Variants in PAK5 observed in about 807,000 individuals in gnomAD.
The protein encoded by PAK5 is p21 (RAC1) activated kinase 5, also known as serine/threonine-protein kinase PAK 5.
A neutral mutation model predicts 65.9 loss-of-function variants in PAK5; 16 were observed. That is an observed-to-expected ratio of 0.24 (90% CI 0.16 to 0.37). PAK5 has a LOEUF of 0.37. Ranked by LOEUF, PAK5 falls within the 10% of genes least tolerant of loss-of-function variation. The pLI is 1.00. For missense variants in PAK5, 785 were observed against 903.9 expected, an observed-to-expected ratio of 0.87 and a Z score of 1.69; for synonymous variants, 371 against 354.9, an observed-to-expected ratio of 1.05 and a Z score of -0.51.
chr20:9,549,649 A>T (rs2045397074), intron 7 of PAK5, among the ~76,000 whole-genome samples: 1 of 152,222 alleles, frequency 6.6e-6, no homozygotes, highest in Non-Finnish European at 1.5e-5. Context: ...TTCTGCCAAG[A>T]GGAAAAATTG....
chr20:9,828,007 T>G (rs1207010408), intron 1 of PAK5, among the ~76,000 whole-genome samples: 1 of 152,162 alleles, frequency 6.6e-6, no homozygotes, highest in African/African-American at 2.4e-5. Flanking sequence ...AATGTTTTTT[T>G]GTATTTTTAG....
chr20:9,678,169 G>A (rs2047600554), intron 2 of PAK5, among the ~76,000 whole-genome samples: 1 of 152,090 alleles, frequency 6.6e-6, no homozygotes, highest in Non-Finnish European at 1.5e-5. Context: ...TGATCTCATA[G>A]CTCCTTGGGA....
intron 2 of PAK5, among the ~76,000 whole-genome samples, chr20:9,705,398 A>G (rs1457538759): frequency 1.3e-5 from 2 of 152,196 alleles, no homozygotes; most frequent in South Asian, 2.1e-4. Flanking sequence ...GATTGGCAAA[A>G]ATTAAGATAT....
intron 1 of PAK5, among the ~76,000 whole-genome samples, chr20:9,831,562 C>T (rs1209406260): frequency 2.0e-5 from 3 of 152,172 alleles, no homozygotes; most frequent in African/African-American, 7.2e-5. Context: ...GGCTGGAGTG[C>T]AGTGGTGCGA....
At chr20:9,742,637 C>G (rs374286886) in intron 1 of PAK5, among the ~76,000 whole-genome samples, 1 of 152,116 alleles carries the variant, frequency 6.6e-6, no homozygotes, top group East Asian at 1.9e-4. Context: ...ATTCCTGTTG[C>G]AGAAAACTCT....
At chr20:9,636,040 AC>A (rs1377636315) in intron 3 of PAK5, among the ~76,000 whole-genome samples, 7 of 152,210 alleles carry the variant, frequency 4.6e-5, no homozygotes, top group Non-Finnish European at 1.5e-5. Flanking sequence ...ATTCTGACCA[AC>A]AAGGAAGACC....
At chr20:9,612,195 T>G (rs2046575079) in intron 3 of PAK5, among the ~76,000 whole-genome samples, 1 of 152,182 alleles carries the variant, frequency 6.6e-6, no homozygotes, top group African/African-American at 2.4e-5. Flanking sequence ...CGCCCTGCCC[T>G]CAGCTCCTAC....
At chr20:9,715,158 C>T (rs1354551974) in intron 1 of PAK5, among the ~76,000 whole-genome samples, 10 of 152,156 alleles carry the variant, frequency 6.6e-5, no homozygotes, top group Non-Finnish European at 1.2e-4. Context: ...TGACAAAGGG[C>T]TAATATCCAC....
Position 9,580,887 on chromosome 20 carries a change from T to C in PAK5, c.248A>G (p.Asn83Ser), listed in dbSNP as rs1007888461. Reference sequence around the variant, plus strand: ...GTTGTCAAAATCCTCTAGCAGGCCGTTGATGGAGGTTTCCTTGCAGGGTTT... The same window carrying C: ...GTTGTCAAAATCCTCTAGCAGGCCGCTGATGGAGGTTTCCTTGCAGGGTTT... ...GNKPCKETSINGLLEDFDNIS... is the reference protein window; with the variant it reads ...GNKPCKETSISGLLEDFDNIS... Residue 83 changes from asparagine to serine, a missense_variant, in exon 4 of 10, where the codon AAC (asparagine) becomes AGC (serine). Asn to Ser is a conservative substitution (Grantham distance 46, BLOSUM62 1). This residue lies in a region of PAK5 where 71 missense variants were observed against 110.2 expected (regional missense o/e 0.64). Coordinates refer to ENST00000353224, the MANE Select transcript of PAK5 (RefSeq NM_177990.4). The C allele has an allele frequency of 6.2e-7, 1 of 1,607,620 alleles. No homozygotes were observed. The highest frequency in any genetic ancestry group is 8.5e-7 in the Non-Finnish European group (1 of 1,176,802).
intron 1 of PAK5, among the ~76,000 whole-genome samples, chr20:9,765,080 T>G (rs745448082): frequency 2.6e-5 from 4 of 152,182 alleles, no homozygotes; most frequent in Non-Finnish European, 4.4e-5. Flanking sequence ...GCGGTGACCA[T>G]GGAGACTGAG....
At position 9,591,896 on chromosome 20, in the gene PAK5, G is replaced by A. The variant is rs112424628; in HGVS notation, c.205-10966C>T. On this transcript the variant is annotated intron_variant, in intron 3 of 9. Transcript: ENST00000353224. The stretch of plus-strand genomic sequence containing the variant: ...CAAATGTGGAAATTATCTCTTGGAG[G>A]CATAATAAATGTTAAGAAACTTGTT... 5.3e-3 allele frequency among the ~76,000 whole-genome samples: 813 copies of A among 152,184 alleles called. 8 individuals carry two copies. The highest frequency in any genetic ancestry group is 0.033 in the East Asian group (171 of 5,176).
At chr20:9,799,232 A>T (rs1264773597) in intron 1 of PAK5, among the ~76,000 whole-genome samples, 3 of 152,208 alleles carry the variant, frequency 2.0e-5, no homozygotes, top group Non-Finnish European at 4.4e-5. Flanking sequence ...TTACAAAGTC[A>T]TCCATAGGGC....
chr20:9,620,904 A>G (rs1167957850), intron 3 of PAK5, among the ~76,000 whole-genome samples: 8 of 151,778 alleles, frequency 5.3e-5, no homozygotes, highest in Admixed American at 3.9e-4. Context: ...AAAAATATAT[A>G]TATATTAATA....
intron 1 of PAK5, among the ~76,000 whole-genome samples, chr20:9,832,989 T>G (rs1376058140): frequency 6.6e-6 from 1 of 152,254 alleles, no homozygotes; most frequent in South Asian, 2.1e-4. Flanking sequence ...TATGAGAGTT[T>G]AAAATATATT....
Position 9,766,365 on chromosome 20 carries a change from A to ATTC in PAK5, c.-161-54931_-161-54930insGAA, listed in dbSNP as rs1232783466. Among the ~76,000 whole-genome samples the ATTC allele has an allele frequency of 8.1e-5, 9 of 110,636 alleles. 1 individual carries two copies. The highest frequency in any genetic ancestry group is 2.8e-4 in the African/African-American group (8 of 28,410). 72.6% of individuals were successfully genotyped at this position (110,636 alleles called of 152,430 possible). ...ATATTCTACTTACTTGAATATATAT[A>ATTC]TATATTCAAGCAGAATATATATGTA... On this transcript the variant is annotated intron_variant, in intron 1 of 9. Transcript: ENST00000353224.
intron 1 of PAK5, among the ~76,000 whole-genome samples, chr20:9,729,530 G>A (rs564078036): frequency 7.4e-4 from 112 of 151,972 alleles, no homozygotes; most frequent in South Asian, 5.8e-3. Flanking sequence ...GTACCCACAG[G>A]TGGTCAATGG....
chr20:9,628,294 G>A (rs889776217), intron 3 of PAK5, among the ~76,000 whole-genome samples: 1 of 152,188 alleles, frequency 6.6e-6, no homozygotes, highest in African/African-American at 2.4e-5. Context: ...CATATAGCTG[G>A]AATATGAAGA....
intron 1 of PAK5, among the ~76,000 whole-genome samples, chr20:9,787,148 G>T (rs1345020316): frequency 6.6e-6 from 1 of 152,148 alleles, no homozygotes; most frequent in Non-Finnish European, 1.5e-5. Flanking sequence ...CTCTTACCAT[G>T]AGCATGAAGT....
chr20:9,734,951 A>G (rs1487643807), intron 1 of PAK5, among the ~76,000 whole-genome samples: 1 of 152,214 alleles, frequency 6.6e-6, no homozygotes, highest in African/African-American at 2.4e-5. Context: ...TCATTTGTCA[A>G]AATTATTCTT....
Sources: gnomAD v4.1 joint callset for allele counts (sites outside exome capture counted in the v4.1 genomes callset) on GRCh38, gnomAD v4.1.1 for gene constraint, gnomAD v4.1.1 regional missense constraint, MANE v1.5 for transcripts, NCBI Gene and HGNC (gene_info 2026-07-23, HGNC 2026-07-21) for gene names.